Variants in DENND5A observed in about 807,000 individuals in gnomAD.
The protein encoded by DENND5A is DENN domain-containing protein 5A.
In DENND5A, 64 loss-of-function variants were observed where a neutral mutation model predicts 140.3. The ratio of observed to expected loss-of-function variants is 0.46; its 90% CI spans 0.37 to 0.56. DENND5A has a LOEUF of 0.56. Ranked by LOEUF, DENND5A falls within the 20% of genes least tolerant of loss-of-function variation. The pLI is 0.00. For missense variants in DENND5A, 1,292 were observed against 1,593.8 expected (o/e 0.81, Z 3.22); for synonymous variants, 605 against 607.7 (o/e 1.00, Z 0.07).
rs767568516 is a variant in DENND5A at position 9,152,339 on chromosome 11, A to C, written c.2521+19T>G. 2 of 1,565,108 alleles carry C rather than the reference A, an allele frequency of 1.3e-6. No individual in the cohort carries two copies. Among genetic ancestry groups the C allele is most frequent in the Non-Finnish European group, 1.8e-6 (2 of 1,135,280 alleles). On this transcript the variant is annotated intron_variant, in intron 13 of 22. Coordinates refer to ENST00000328194, the MANE Select transcript of DENND5A (RefSeq NM_015213.4). The stretch of plus-strand genomic sequence containing the variant: ...AAAGTGGAGAGAGGGCAGACTCTCC[A>C]TTGCAGAGACTATCTTACCTGAGGT...
chr11:9,166,009 C>T, intron 10 of DENND5A, 42 bp from the exon 11 acceptor site: 1 of 1,607,996 alleles, frequency 6.2e-7, no homozygotes, highest in Non-Finnish European at 8.5e-7. Flanking sequence ...TGTCCATGTA[C>T]ATAAACCAAA....
chr11:9,141,878 A>G (rs1847253806), intron 22 of DENND5A, 62 bp downstream of exon 22: 2 of 1,468,660 alleles, frequency 1.4e-6, no homozygotes, highest in Non-Finnish European at 1.8e-6. Context: ...GCACTGCACC[A>G]GGCCTCCAAC....
At position 9,265,350 on chromosome 11, in the gene DENND5A, G is replaced by A. The variant is rs572776654; in HGVS notation, c.-281C>T. The A allele has an allele frequency of 1.5e-4, 31 of 201,968 alleles. No individual in the cohort carries two copies. The East Asian group carries it at 2.7e-3, about 18-fold the overall frequency. The allele number at this position is 201,968 out of a possible 1,614,324, so 12.5% of individuals were successfully genotyped here. On this transcript the variant is annotated 5_prime_UTR_variant, in exon 1 of 23. Transcript: ENST00000328194. This position sits in a 1 kb window ranked among gnomAD's most constrained non-coding sequence, Gnocchi z 4.7. ...CCGCGGCCCGAGCGAGCCTGGAGAAGGGCGGAGAGCGCGTGGACAGCCCCC... is the reference window on the plus strand; with the variant it reads ...CCGCGGCCCGAGCGAGCCTGGAGAAAGGCGGAGAGCGCGTGGACAGCCCCC...
At chr11:9,193,399 A>T (rs993325877) in intron 5 of DENND5A, 95 bp downstream of exon 5, 1 of 982,078 alleles carries the variant, frequency 1.0e-6, no homozygotes, top group Non-Finnish European at 1.4e-6. Flanking sequence ...AGAAGAAAAT[A>T]AACTTGGTAA....
intron 1 of DENND5A, among the ~76,000 whole-genome samples, chr11:9,219,932 T>C (rs571380469): frequency 9.2e-5 from 14 of 152,338 alleles, no homozygotes; most frequent in East Asian, 7.7e-4. Flanking sequence ...TTTTTTCTGA[T>C]TGGATATCAT....
chr11:9,213,800 C>T (rs1325757617), intron 1 of DENND5A, among the ~76,000 whole-genome samples: 2 of 180 alleles, frequency 0.011, no homozygotes, highest in Non-Finnish European at 0.03. Flanking sequence ...GAGCGAGACT[C>T]CGTCTCCCAA....
chr11:9,235,672 GA>G (rs1267371171), intron 1 of DENND5A, among the ~76,000 whole-genome samples: 1 of 146,738 alleles, frequency 6.8e-6, no homozygotes, highest in Non-Finnish European at 1.5e-5. Flanking sequence ...AAAAAAAAAA[GA>G]AAAAAAATCA....
intron 4 of DENND5A, among the ~76,000 whole-genome samples, chr11:9,196,099 C>T (rs971531349): frequency 6.6e-6 from 1 of 152,072 alleles, no homozygotes; most frequent in Non-Finnish European, 1.5e-5. Flanking sequence ...ATTATAGGCA[C>T]GAGCCACCAT....
At chr11:9,143,362 A>C (rs775369668) in intron 20 of DENND5A, 41 bp downstream of exon 20, 1 of 1,532,706 alleles carries the variant, frequency 6.5e-7, no homozygotes, top group Non-Finnish European at 9.0e-7. Flanking sequence ...ATTCTCTCTT[A>C]TTCAATGTAA....
At chr11:9,209,286 G>A (rs1269048972) in intron 1 of DENND5A, among the ~76,000 whole-genome samples, 3 of 152,302 alleles carry the variant, frequency 2.0e-5, no homozygotes, top group Middle Eastern at 3.4e-3. Context: ...ATGGCTGTAA[G>A]GAGCTCCCTA....
chr11:9,208,584 T>C (rs1310283389), intron 1 of DENND5A, among the ~76,000 whole-genome samples: 1 of 152,242 alleles, frequency 6.6e-6, no homozygotes, highest in African/African-American at 2.4e-5. Flanking sequence ...GTCAGAAAGT[T>C]ACTGCTTTTA....
chr11:9,243,803 T>C (rs978396183), intron 1 of DENND5A, among the ~76,000 whole-genome samples: 1 of 152,064 alleles, frequency 6.6e-6, no homozygotes, highest in Admixed American at 6.6e-5. Flanking sequence ...GGAGAATCAC[T>C]TGAACCTGGG....
intron 1 of DENND5A, among the ~76,000 whole-genome samples, chr11:9,216,843 C>A (rs778280945): frequency 6.6e-5 from 10 of 152,010 alleles, no homozygotes; most frequent in Non-Finnish European, 1.5e-4. Flanking sequence ...TGCATTCCAG[C>A]CTGGGTGACA....
chr11:9,260,464 A>G (rs1161549165), intron 1 of DENND5A, among the ~76,000 whole-genome samples: 2 of 152,168 alleles, frequency 1.3e-5, no homozygotes, highest in East Asian at 1.9e-4. Flanking sequence ...CTCCACTATC[A>G]TCTGCCTCCC....
chr11:9,190,303 G>C (rs1849071953), intron 5 of DENND5A, among the ~76,000 whole-genome samples: 1 of 152,060 alleles, frequency 6.6e-6, no homozygotes, highest in South Asian at 2.1e-4. Flanking sequence ...ATTTGGAAGG[G>C]GCCAGGGCAG....
chr11:9,226,843 A>G (rs903480657), intron 1 of DENND5A, among the ~76,000 whole-genome samples: 3 of 152,230 alleles, frequency 2.0e-5, no homozygotes, highest in South Asian at 2.1e-4. Context: ...CTCACATCAT[A>G]CTCACACCCT....
intron 8 of DENND5A, among the ~76,000 whole-genome samples, chr11:9,175,955 G>A (rs1346658098): frequency 6.6e-6 from 1 of 152,090 alleles, no homozygotes; most frequent in East Asian, 1.9e-4. Context: ...CTGATAAATT[G>A]GGCCTCATCA....
intron 6 of DENND5A, among the ~76,000 whole-genome samples, chr11:9,179,648 C>T (rs1457996355): frequency 1.3e-5 from 2 of 152,000 alleles, no homozygotes; most frequent in African/African-American, 2.4e-5. Context: ...TACAGGCATG[C>T]GCCACCACGC....
chr11:9,237,508 A>G (rs1417902013), intron 1 of DENND5A, among the ~76,000 whole-genome samples: 1 of 152,244 alleles, frequency 6.6e-6, no homozygotes, highest in East Asian at 1.9e-4. Context: ...AGAAACTGGA[A>G]TGTTAAACAT....
Sources: allele counts gnomAD v4.1 joint callset (sites outside exome capture counted in the v4.1 genomes callset), GRCh38; gene constraint gnomAD v4.1.1; non-coding constraint Gnocchi (gnomAD v3.1); transcripts MANE v1.5; gene names NCBI Gene and HGNC (gene_info 2026-07-23, HGNC 2026-07-21).